Variants in GALNT10 observed in about 807,000 individuals in gnomAD.
GALNT10 encodes the protein polypeptide N-acetylgalactosaminyltransferase 10.
Under a neutral mutation model 75.0 loss-of-function variants are expected in GALNT10, and 41 were observed. The ratio of observed to expected loss-of-function variants is 0.55; its 90% CI spans 0.43 to 0.71. GALNT10 has a LOEUF of 0.71. Among genes scored for constraint, GALNT10 ranks in the 30% least tolerant of loss-of-function variants. The pLI is 0.00. For synonymous variants in GALNT10, 302 were observed against 313.0 expected (o/e 0.96, Z 0.37); for missense variants, 727 against 818.5 (o/e 0.89, Z 1.36).
At chr5:154,242,649 C>G (rs769005368) in intron 1 of GALNT10, among the ~76,000 whole-genome samples, 3 of 152,194 alleles carry the variant, frequency 2.0e-5, no homozygotes, top group Non-Finnish European at 4.4e-5. Context: ...ACCGTGGGCA[C>G]TTGTGGGATT....
At chr5:154,408,770 T>A (rs190173732) in intron 8 of GALNT10, among the ~76,000 whole-genome samples, 1 of 152,154 alleles carries the variant, frequency 6.6e-6, no homozygotes, top group Non-Finnish European at 1.5e-5. Flanking sequence ...AATTTGCCTT[T>A]ATCACATAGC....
At chr5:154,342,252 G>A (rs1348936966) in intron 4 of GALNT10, among the ~76,000 whole-genome samples, 2 of 152,222 alleles carry the variant, frequency 1.3e-5, no homozygotes, top group African/African-American at 4.8e-5. Context: ...ACAAGAGGGT[G>A]CTGATTTTCA....
intron 1 of GALNT10, among the ~76,000 whole-genome samples, chr5:154,292,490 GGCA>G (rs1432969963): frequency 1.3e-5 from 2 of 151,830 alleles, no homozygotes; most frequent in African/African-American, 4.8e-5. Context: ...CCAATCTGTG[GGCA>G]GCAGAAGAGG....
chr5:154,247,920 C>G (rs1349627639), intron 1 of GALNT10, among the ~76,000 whole-genome samples: 5 of 151,890 alleles, frequency 3.3e-5, no homozygotes, highest in Non-Finnish European at 7.4e-5. Context: ...CCAGTTTTTG[C>G]CCATTCAGTA....
At chr5:154,379,976 A>G (rs1755709655) in intron 5 of GALNT10, among the ~76,000 whole-genome samples, 1 of 152,178 alleles carries the variant, frequency 6.6e-6, no homozygotes, top group African/African-American at 2.4e-5. Context: ...CTATGAAGGA[A>G]AGTGCTGGGG....
intron 6 of GALNT10, among the ~76,000 whole-genome samples, chr5:154,382,338 C>A (rs148589710): frequency 6.6e-6 from 1 of 152,328 alleles, no homozygotes; most frequent in East Asian, 1.9e-4. Context: ...CTTCTCTTGG[C>A]CTCTTGAACA....
chr5:154,328,301 G>A (rs1478995398), intron 3 of GALNT10, among the ~76,000 whole-genome samples: 1 of 152,154 alleles, frequency 6.6e-6, no homozygotes, highest in Non-Finnish European at 1.5e-5. Flanking sequence ...GACGCACAAG[G>A]GGCAGGGCCT....
intron 3 of GALNT10, among the ~76,000 whole-genome samples, chr5:154,313,403 G>T (rs1185337256): frequency 6.6e-6 from 1 of 151,812 alleles, no homozygotes; most frequent in Non-Finnish European, 1.5e-5. Flanking sequence ...GGAAGGAAAA[G>T]AAAGCACAAA....
At chr5:154,294,669 C>T in intron 1 of GALNT10, 147 bp from the exon 2 acceptor site, 1 of 517,038 alleles carries the variant, frequency 1.9e-6, no homozygotes, top group Admixed American at 3.5e-5. Flanking sequence ...GGCAAGGCAC[C>T]AACAAAGGTA....
chr5:154,304,065 G>A (rs1754396405), intron 3 of GALNT10, among the ~76,000 whole-genome samples: 1 of 151,710 alleles, frequency 6.6e-6, no homozygotes, highest in South Asian at 2.1e-4. Context: ...AGATATTGCT[G>A]GAAAAAAAAG....
chr5:154,415,988 A>G, intron 11 of GALNT10, 56 bp downstream of exon 11: 1 of 1,492,534 alleles, frequency 6.7e-7, no homozygotes, highest in South Asian at 1.2e-5. Flanking sequence ...TTAAGGCAAT[A>G]CAGTGCTTCA....
intron 1 of GALNT10, among the ~76,000 whole-genome samples, chr5:154,206,043 G>C (rs1013238428): frequency 3.9e-5 from 6 of 152,202 alleles, no homozygotes; most frequent in African/African-American, 1.4e-4. Flanking sequence ...GTGTGTGTAT[G>C]AGTGTGTCTG....
chr5:154,320,204 A>G (rs975276518), intron 3 of GALNT10, among the ~76,000 whole-genome samples: 1 of 152,244 alleles, frequency 6.6e-6, no homozygotes, highest in African/African-American at 2.4e-5. Context: ...AAAAAATTTA[A>G]AAGACAGGCA....
At chr5:154,404,405 G>C (rs931801247) in intron 8 of GALNT10, among the ~76,000 whole-genome samples, 194 bp downstream of exon 8, 1 of 152,180 alleles carries the variant, frequency 6.6e-6, no homozygotes, top group Non-Finnish European at 1.5e-5. Context: ...ATGTGACCTG[G>C]GGAGGGTTGC....
chr5:154,234,749 G>A (rs560503406), intron 1 of GALNT10, among the ~76,000 whole-genome samples: 3 of 152,328 alleles, frequency 2.0e-5, no homozygotes, highest in African/African-American at 7.2e-5. Flanking sequence ...CCTGATCAGG[G>A]CCTGTGCTTC....
intron 10 of GALNT10, among the ~76,000 whole-genome samples, chr5:154,414,806 T>G (rs1397550979): frequency 6.6e-6 from 1 of 152,178 alleles, no homozygotes; most frequent in Non-Finnish European, 1.5e-5. Context: ...GGATCTTGAC[T>G]CAGACTAACT....
At chr5:154,204,502 AC>A in intron 1 of GALNT10, among the ~76,000 whole-genome samples, 1 of 152,308 alleles carries the variant, frequency 6.6e-6, no homozygotes, top group Non-Finnish European at 1.5e-5. Context: ...GCACTGAAAC[AC>A]AGCACAGACC....
chr5:154,348,344 G>A lies in GALNT10; in HGVS notation c.568+18606G>A, dbSNP rs562739029. Reference sequence around the variant, plus strand: ...ATATTAATTACCCCAATTAGAGAAGGCCCTTTCAAATATTACATCACCTCC... The same window carrying A: ...ATATTAATTACCCCAATTAGAGAAGACCCTTTCAAATATTACATCACCTCC... On this transcript the variant is annotated intron_variant, in intron 4 of 11. Coordinates refer to ENST00000297107, the MANE Select transcript of GALNT10 (RefSeq NM_198321.4). Among the ~76,000 whole-genome samples, 13 of 152,260 alleles carry A rather than the reference G, an allele frequency of 8.5e-5. No homozygotes were observed. The South Asian group carries it at 2.5e-3, about 29-fold the overall frequency.
At chr5:154,285,866 T>A (rs572676740) in intron 1 of GALNT10, among the ~76,000 whole-genome samples, 1 of 152,216 alleles carries the variant, frequency 6.6e-6, no homozygotes, top group South Asian at 2.1e-4. Flanking sequence ...TACCAGACTT[T>A]CCCTGCTTCT....
Sources: gnomAD v4.1 joint callset for allele counts (sites outside exome capture counted in the v4.1 genomes callset) on GRCh38, gnomAD v4.1.1 for gene constraint, MANE v1.5 for transcripts, NCBI Gene and HGNC (gene_info 2026-07-23, HGNC 2026-07-21) for gene names.